BACH2: variants seen among roughly 807,000 people sequenced by gnomAD.
BACH2 encodes the protein BACH transcriptional regulator 2, also known as transcription regulator protein BACH2.
Under a neutral mutation model 61.8 loss-of-function variants are expected in BACH2, and 5 were observed. The observed-to-expected ratio is 0.08, with a 90% CI of 0.04 to 0.17. The LOEUF (loss-of-function observed/expected upper bound fraction) is 0.17, where lower values mean the gene tolerates loss of function less well. Among genes scored for constraint, BACH2 ranks in the 10% least tolerant of loss-of-function variants. The pLI is 1.00. For missense variants in BACH2, 824 were observed against 1,091.1 expected, an observed-to-expected ratio of 0.76 and a Z score of 3.45; for synonymous variants, 446 against 440.1, an observed-to-expected ratio of 1.01 and a Z score of -0.17.
chr6:90,080,334 A>G (rs890696721), intron 5 of BACH2, among the ~76,000 whole-genome samples: 1 of 152,064 alleles, frequency 6.6e-6, no homozygotes, highest in Non-Finnish European at 1.5e-5. Context: ...TCCCCTTGCT[A>G]TCCCTTTCCT....
rs538994703 is a variant in BACH2, at chr6:90,288,776, C to G, written c.-446+7704G>C. On this transcript the variant is annotated intron_variant, in intron 1 of 8. Coordinates refer to ENST00000257749, the MANE Select transcript of BACH2 (RefSeq NM_021813.4). ...ATTAGGATTTCTGATGGAATTAGTT[C>G]TGAATGAACATCTTCCTCCTTGGTA... Among the ~76,000 whole-genome samples the G allele has an allele frequency of 4.3e-4, 65 of 152,248 alleles. 2 individuals carry two copies. Among genetic ancestry groups the G allele is most frequent in the African/African-American group, 1.3e-3 (52 of 41,542 alleles).
At chr6:90,202,892 A>C (rs975874301) in intron 4 of BACH2, among the ~76,000 whole-genome samples, 1 of 152,152 alleles carries the variant, frequency 6.6e-6, no homozygotes, top group African/African-American at 2.4e-5. Flanking sequence ...CATCCTGCAC[A>C]ATTTGCCTCT....
chr6:90,060,675 C>T (rs182488805), intron 5 of BACH2, among the ~76,000 whole-genome samples: 5 of 152,004 alleles, frequency 3.3e-5, no homozygotes, highest in Admixed American at 1.3e-4. Context: ...TTTTCACTCA[C>T]GGTGGTTTGT....
intron 4 of BACH2, among the ~76,000 whole-genome samples, chr6:90,091,966 G>A (rs77943450): frequency 6.6e-6 from 1 of 151,850 alleles, no homozygotes; most frequent in Non-Finnish European, 1.5e-5. Context: ...CCACATTCAG[G>A]TATATGCCTA....
chr6:89,975,972 T>C (rs956142670), intron 6 of BACH2, among the ~76,000 whole-genome samples: 1 of 152,212 alleles, frequency 6.6e-6, no homozygotes, highest in Non-Finnish European at 1.5e-5. Context: ...CAGACACACA[T>C]ACATATAAAT....
intron 5 of BACH2, among the ~76,000 whole-genome samples, chr6:90,054,850 C>T (rs1199389484): frequency 2.0e-5 from 3 of 152,164 alleles, no homozygotes; most frequent in South Asian, 2.1e-4. Flanking sequence ...GCTGCTGATA[C>T]CCAGGCAAAC....
In BACH2 at chr6:90,005,204, T is replaced by TG. The variant is rs1777344215; in HGVS notation, c.243+3397dup. On this transcript the variant is annotated intron_variant, in intron 6 of 8. Coordinates refer to ENST00000257749, the MANE Select transcript of BACH2 (RefSeq NM_021813.4). ...GTTTGGCCTAAGGTGGATGGGGAGT[T>TG]GGGGGGAGGAGTGGCAGTTTGTGTT... 2.6e-5 allele frequency among the ~76,000 whole-genome samples: 4 copies of TG among 151,816 alleles called. No homozygotes were observed. In the South Asian group the frequency reaches 6.3e-4, roughly 24 times the overall value.
At chr6:90,066,326 T>G (rs979937452) in intron 5 of BACH2, among the ~76,000 whole-genome samples, 52 of 152,170 alleles carry the variant, frequency 3.4e-4, no homozygotes, top group African/African-American at 1.2e-3. Flanking sequence ...TTGGGGTAAG[T>G]AGAAGCTATA....
chr6:90,257,618 C>A lies in BACH2; in HGVS notation c.-352-5028G>T, dbSNP rs143415093. 3.5e-3 allele frequency among the ~76,000 whole-genome samples: 531 copies of A among 152,258 alleles called. 1 individual carries two copies. The highest frequency in any genetic ancestry group is 8.6e-3 in the Admixed American group (132 of 15,288). On this transcript the variant is annotated intron_variant, in intron 2 of 8. Transcript: ENST00000257749. Reference sequence around the variant, plus strand: ...ATGAGTTCCTGATAAATTTTGGCTACTAACTCCTTACCAAATACATGATTT... The same window carrying A: ...ATGAGTTCCTGATAAATTTTGGCTAATAACTCCTTACCAAATACATGATTT...
chr6:90,223,307 G>A (rs936058330), intron 3 of BACH2, among the ~76,000 whole-genome samples: 21 of 152,184 alleles, frequency 1.4e-4, no homozygotes, highest in Admixed American at 1.3e-3. Context: ...CAAATACAGT[G>A]TAGGAGACAA....
At chr6:90,060,558 A>T (rs1171202698) in intron 5 of BACH2, among the ~76,000 whole-genome samples, 1 of 151,802 alleles carries the variant, frequency 6.6e-6, no homozygotes, top group African/African-American at 2.4e-5. Flanking sequence ...ATTTAAGTTA[A>T]TTTTTCTTTA....
intron 3 of BACH2, among the ~76,000 whole-genome samples, chr6:90,226,154 G>C (rs1448254352): frequency 3.9e-5 from 6 of 152,228 alleles, no homozygotes; most frequent in African/African-American, 1.4e-4. Context: ...GTGAGAGCCA[G>C]GAGGACGGAC....
intron 3 of BACH2, among the ~76,000 whole-genome samples, chr6:90,251,143 GAAT>G (rs1318531446): frequency 6.8e-6 from 1 of 147,926 alleles, no homozygotes; most frequent in Non-Finnish European, 1.5e-5. Context: ...ATAGTACAAG[GAAT>G]AATAATCAAC....
At chr6:90,182,460 T>C (rs1371464558) in intron 4 of BACH2, among the ~76,000 whole-genome samples, 1 of 152,188 alleles carries the variant, frequency 6.6e-6, no homozygotes, top group Non-Finnish European at 1.5e-5. Flanking sequence ...ACCCTTTGCA[T>C]GCCCTCAAGA....
intron 4 of BACH2, among the ~76,000 whole-genome samples, chr6:90,114,418 C>A (rs2325258): frequency 0.4 from 61,095 of 151,928 alleles, 12,716 homozygotes; most frequent in Admixed American, 0.43. Context: ...ACAAAAACCA[C>A]ATGATTATCT....
chr6:89,956,120 A>G (rs1293453253), intron 6 of BACH2, among the ~76,000 whole-genome samples: 2 of 152,214 alleles, frequency 1.3e-5, no homozygotes, highest in Non-Finnish European at 2.9e-5. Flanking sequence ...GTTAGGGACA[A>G]CTTGGGATAA....
intron 2 of BACH2, among the ~76,000 whole-genome samples, chr6:90,266,482 C>A (rs1771334286): frequency 6.6e-6 from 1 of 151,834 alleles, no homozygotes; most frequent in South Asian, 2.1e-4. Flanking sequence ...TTCACAGCAG[C>A]CAAAAGGTGG....
At chr6:90,235,252 T>C (rs760156567) in intron 3 of BACH2, among the ~76,000 whole-genome samples, 1 of 152,188 alleles carries the variant, frequency 6.6e-6, no homozygotes, top group African/African-American at 2.4e-5. Context: ...GCAAAGGTAT[T>C]GAGTCCATCT....
At chr6:90,222,690 C>A (rs1370885505) in intron 3 of BACH2, among the ~76,000 whole-genome samples, 1 of 152,160 alleles carries the variant, frequency 6.6e-6, no homozygotes, top group East Asian at 1.9e-4. Flanking sequence ...ATGTTCAGCT[C>A]TCCTGTTCTT....
Sources: allele counts gnomAD v4.1 joint callset (sites outside exome capture counted in the v4.1 genomes callset), GRCh38; gene constraint gnomAD v4.1.1; transcripts MANE v1.5; gene names NCBI Gene and HGNC (gene_info 2026-07-23, HGNC 2026-07-21).